Variants in TTBK2 observed in about 807,000 individuals in gnomAD.
TTBK2 encodes tau-tubulin kinase 2.
TTBK2 carries 28 observed loss-of-function variants against 110.8 expected under a neutral mutation model. That is an observed-to-expected ratio of 0.25 (90% CI 0.19 to 0.35). The LOEUF (loss-of-function observed/expected upper bound fraction) is 0.35, where lower values mean the gene tolerates loss of function less well. Among genes scored for constraint, TTBK2 ranks in the 10% least tolerant of loss-of-function variants. The probability of loss-of-function intolerance (pLI) is 1.00; values close to 1 mark genes in which losing one functional copy is unlikely to be tolerated. For missense variants in TTBK2, 1,369 were observed against 1,500.3 expected (o/e 0.91, Z 1.45); for synonymous variants, 532 against 527.3 (o/e 1.01, Z -0.12).
In TTBK2 at chr15:42,739,316, C is replaced by CTAG. The variant is rs2061736490; in HGVS notation, c.*6478_*6479insCTA. ...GAGAGAAAAGTGGAATTATTAAAGT[C>CTAG]ATCTAACTCATTGGTCTTGTTCAAC... On this transcript the variant is annotated 3_prime_UTR_variant, in exon 15 of 15. Coordinates refer to ENST00000267890, the MANE Select transcript of TTBK2 (RefSeq NM_173500.4). The CTAG allele has an allele frequency of 6.6e-6, 1 of 152,216 alleles. No individual in the cohort carries two copies. Among genetic ancestry groups the CTAG allele is most frequent in the South Asian group, 2.1e-4 (1 of 4,834 alleles). The allele number at this position is 152,216 out of a possible 1,614,324, so 9.4% of individuals were successfully genotyped here. A position where few individuals can be genotyped will look rare whatever the true frequency, so the allele number is the denominator to read the frequency against.
chr15:42,891,614 C>A (rs1411121491), intron 1 of TTBK2, among the ~76,000 whole-genome samples: 1 of 152,180 alleles, frequency 6.6e-6, no homozygotes, highest in Non-Finnish European at 1.5e-5. Context: ...GTGGTGTACC[C>A]TGGCTCCACA....
chr15:42,850,684 G>A (rs1052970405), intron 3 of TTBK2, among the ~76,000 whole-genome samples: 3 of 151,880 alleles, frequency 2.0e-5, no homozygotes, highest in Non-Finnish European at 4.4e-5. Flanking sequence ...TGAGGAAGAG[G>A]GAAAAAGCAA....
intron 10 of TTBK2, among the ~76,000 whole-genome samples, chr15:42,788,482 T>G (rs1890505141): frequency 1.3e-5 from 2 of 152,170 alleles, no homozygotes; most frequent in South Asian, 2.1e-4. Context: ...AAACTGAGGG[T>G]GGTACATTAA....
intron 11 of TTBK2, among the ~76,000 whole-genome samples, chr15:42,777,984 T>C (rs1890005443): frequency 6.7e-6 from 1 of 149,552 alleles, no homozygotes; most frequent in Non-Finnish European, 1.5e-5. Context: ...CCAATTTAGG[T>C]CTCCAGAACT....
rs376921873 is a variant in TTBK2, at chr15:42,838,353, G to GGTGT, written c.291+2003_291+2006dup. On this transcript the variant is annotated intron_variant, in intron 4 of 14. Transcript: ENST00000267890. Reference sequence around the variant, plus strand: ...AACTTTGAGGGTGACTATAATTCAGGGTGTGTGTGTGTGTGTGTGTGTGTG... The same window carrying GGTGT: ...AACTTTGAGGGTGACTATAATTCAGGGTGTGTGTGTGTGTGTGTGTGTGTGTGTG... Among the ~76,000 whole-genome samples, 460 of 148,028 alleles carry GGTGT rather than the reference G, an allele frequency of 3.1e-3. 3 individuals are homozygous for GGTGT. The highest frequency in any genetic ancestry group is 6.7e-3 in the East Asian group (34 of 5,084).
At chr15:42,883,404 G>T (rs949381304) in intron 1 of TTBK2, among the ~76,000 whole-genome samples, 1 of 150,874 alleles carries the variant, frequency 6.6e-6, no homozygotes, top group Non-Finnish European at 1.5e-5. Context: ...AAAGTAGAAT[G>T]GTAAAGGGAC....
intron 9 of TTBK2, among the ~76,000 whole-genome samples, chr15:42,795,538 C>T (rs891339213): frequency 3.3e-5 from 5 of 152,088 alleles, no homozygotes; most frequent in Admixed American, 3.3e-4. Context: ...TGTTACTATC[C>T]TATCCTCTGA....
intron 3 of TTBK2, among the ~76,000 whole-genome samples, chr15:42,855,934 A>T (rs890657407): frequency 6.6e-6 from 1 of 152,200 alleles, no homozygotes; most frequent in Non-Finnish European, 1.5e-5. Context: ...TGCCCACCTC[A>T]GCCTCCCAAA....
intron 1 of TTBK2, among the ~76,000 whole-genome samples, chr15:42,910,101 C>G (rs998245488): frequency 6.6e-6 from 1 of 152,168 alleles, no homozygotes; most frequent in Non-Finnish European, 1.5e-5. Flanking sequence ...ATTCCTTAAA[C>G]TGCACATGTA....
intron 1 of TTBK2, among the ~76,000 whole-genome samples, chr15:42,894,129 A>C (rs1895577328): frequency 6.6e-6 from 1 of 152,172 alleles, no homozygotes; most frequent in Admixed American, 6.5e-5. Flanking sequence ...TATAAAAGGC[A>C]GTTCCCCTGC....
chr15:42,752,961 T>G lies in TTBK2; in HGVS notation c.2285A>C (p.His762Pro). ...AAATTCTCTCACAACCAGTCTATTA[T>G]GATCAGGAAGTTCTTTTGGTCCCAG... Reference protein sequence around the residue: ...QDLGPKELPDHNRLVVREFEN... With the variant: ...QDLGPKELPDPNRLVVREFEN... Residue 762 changes from histidine to proline, a missense_variant, in exon 14 of 15, where the codon CAT becomes CCT. Around this residue, in one of 4 missense-constraint regions of TTBK2, gnomAD observed 1,097 missense variants for 1,114.7 expected, o/e 0.98. Coordinates refer to ENST00000267890, the MANE Select transcript of TTBK2 (RefSeq NM_173500.4). 6.2e-7 allele frequency: 1 copy of G among 1,614,240 alleles called. No individual in the cohort carries two copies. The highest frequency in any genetic ancestry group is 1.3e-5 in the African/African-American group (1 of 75,062).
intron 3 of TTBK2, among the ~76,000 whole-genome samples, chr15:42,856,962 G>C (rs1342520398): frequency 3.3e-5 from 5 of 152,000 alleles, no homozygotes; most frequent in Non-Finnish European, 7.4e-5. Flanking sequence ...TCAGGAAACT[G>C]AGGAAGGAGA....
intron 6 of TTBK2, among the ~76,000 whole-genome samples, chr15:42,819,288 GA>G (rs1364487272): frequency 6.7e-6 from 1 of 149,144 alleles, no homozygotes; most frequent in Admixed American, 6.7e-5. Flanking sequence ...CCAACATGGT[GA>G]AACCCCATCT....
chr15:42,862,141 C>G (rs1386204054), intron 3 of TTBK2, among the ~76,000 whole-genome samples: 2 of 151,976 alleles, frequency 1.3e-5, no homozygotes, highest in Non-Finnish European at 2.9e-5. Flanking sequence ...ATTCACAGCC[C>G]AATTCTACCA....
At chr15:42,868,180 T>C (rs1894459704) in intron 3 of TTBK2, among the ~76,000 whole-genome samples, 2 of 152,338 alleles carry the variant, frequency 1.3e-5, no homozygotes, top group South Asian at 2.1e-4. Flanking sequence ...AGATGGTTCC[T>C]GACATACGAT....
At chr15:42,913,928 A>T (rs1347327890) in intron 1 of TTBK2, among the ~76,000 whole-genome samples, 2 of 152,066 alleles carry the variant, frequency 1.3e-5, no homozygotes, top group African/African-American at 4.8e-5. Flanking sequence ...AAAAATCAAT[A>T]CAGAACCTTT....
rs184231099 is a variant in TTBK2 at position 42,771,388 on chromosome 15, T to C, written c.1998+3747A>G. Among the ~76,000 whole-genome samples the C allele has an allele frequency of 1.0e-3, 155 of 152,308 alleles. 1 individual carries two copies. The highest frequency in any genetic ancestry group is 3.4e-3 in the Middle Eastern group (1 of 294). ...CCTAAGTCCTAGGCAGATATGTCTG[T>C]GTCCCCATTCCTGTAAACAGCCCCA... On this transcript the variant is annotated intron_variant, in intron 13 of 14. Transcript: ENST00000267890.
chr15:42,893,247 A>G (rs1895533394), intron 1 of TTBK2, among the ~76,000 whole-genome samples: 2 of 152,170 alleles, frequency 1.3e-5, no homozygotes, highest in Admixed American at 1.3e-4. Flanking sequence ...CTATAATCCC[A>G]ACACTTTGGG....
chr15:42,878,449 T>G (rs894041138), intron 2 of TTBK2, 100 bp downstream of exon 2: 81 of 1,576,246 alleles, frequency 5.1e-5, no homozygotes, highest in Non-Finnish European at 6.4e-5. Context: ...CCTAATGAAA[T>G]GCTATTTTTA....
Sources: gnomAD v4.1 joint callset for allele counts (sites outside exome capture counted in the v4.1 genomes callset) on GRCh38, gnomAD v4.1.1 for gene constraint, gnomAD v4.1.1 regional missense constraint, MANE v1.5 for transcripts, NCBI Gene and HGNC (gene_info 2026-07-23, HGNC 2026-07-21) for gene names.